SKAP2: variants seen among roughly 807,000 people sequenced by gnomAD.
SKAP2 encodes src kinase-associated phosphoprotein 2.
SKAP2 carries 28 observed loss-of-function variants against 54.9 expected under a neutral mutation model. The observed-to-expected ratio is 0.51, with a 90% CI of 0.38 to 0.70. The LOEUF is 0.70. Among genes scored for constraint, SKAP2 ranks in the 30% least tolerant of loss-of-function variants. The pLI, the probability that SKAP2 is intolerant of heterozygous loss-of-function variation, is 0.00. For missense variants in SKAP2, 356 were observed against 424.1 expected (o/e 0.84, Z 1.41); for synonymous variants, 137 against 134.3 (o/e 1.02, Z -0.14).
chr7:26,837,723 C>T (rs926265125), intron 4 of SKAP2, among the ~76,000 whole-genome samples: 1 of 151,638 alleles, frequency 6.6e-6, no homozygotes, highest in African/African-American at 2.4e-5. Context: ...TTCTAACAAG[C>T]TCCCAGATGA....
intron 4 of SKAP2, among the ~76,000 whole-genome samples, chr7:26,834,102 A>C (rs1784657522): frequency 6.6e-6 from 1 of 152,182 alleles, no homozygotes; most frequent in African/African-American, 2.4e-5. Flanking sequence ...CTACTGGGTA[A>C]ATAACGAAAT....
At chr7:26,790,345 C>A (rs1783648292) in intron 4 of SKAP2, among the ~76,000 whole-genome samples, 1 of 152,130 alleles carries the variant, frequency 6.6e-6, no homozygotes. Context: ...GTGTCGTTCA[C>A]ATCAAATGAC....
At chr7:26,827,999 GAGAGA>G (rs1179070378) in intron 4 of SKAP2, among the ~76,000 whole-genome samples, 2 of 152,204 alleles carry the variant, frequency 1.3e-5, no homozygotes, top group Admixed American at 6.5e-5. Flanking sequence ...ATCTTAACAA[GAGAGA>G]AGAGATCAAT....
chr7:26,694,792 T>C (rs113798066), intron 9 of SKAP2, among the ~76,000 whole-genome samples: 299 of 152,218 alleles, frequency 2.0e-3, no homozygotes, highest in Admixed American at 3.7e-3. Context: ...GAGAAAAGGC[T>C]TACTGTGGGA....
intron 1 of SKAP2, chr7:26,858,137 C>T: frequency 6.6e-6 from 1 of 152,446 alleles, no homozygotes; most frequent in Non-Finnish European, 1.5e-5. Flanking sequence ...GCCCACTCTG[C>T]GCCCGCGGGA....
At chr7:26,671,514 T>A (rs964547183) in intron 11 of SKAP2, among the ~76,000 whole-genome samples, 1 of 152,024 alleles carries the variant, frequency 6.6e-6, no homozygotes, top group South Asian at 2.1e-4. Context: ...AGTCTATCAA[T>A]AGAGAGATTA....
intron 4 of SKAP2, among the ~76,000 whole-genome samples, chr7:26,776,983 C>G (rs1783325210): frequency 6.6e-6 from 1 of 152,120 alleles, no homozygotes; most frequent in South Asian, 2.1e-4. Flanking sequence ...TCTCACAAAC[C>G]AGTGATTCAG....
At chr7:26,673,925 C>A (rs780376247) in intron 11 of SKAP2, among the ~76,000 whole-genome samples, 1 of 152,112 alleles carries the variant, frequency 6.6e-6, no homozygotes, top group Non-Finnish European at 1.5e-5. Context: ...ACTAAATCTT[C>A]TTTCTCTGCT....
At chr7:26,787,246 T>G (rs1157017638) in intron 4 of SKAP2, among the ~76,000 whole-genome samples, 3 of 152,172 alleles carry the variant, frequency 2.0e-5, no homozygotes, top group African/African-American at 7.2e-5. Context: ...AAAAGAGGTT[T>G]CGTTGGCTTA....
At chr7:26,703,482 A>C (rs1467196362) in intron 9 of SKAP2, among the ~76,000 whole-genome samples, 1 of 152,214 alleles carries the variant, frequency 6.6e-6, no homozygotes, top group Non-Finnish European at 1.5e-5. Flanking sequence ...ACAGGAGTTA[A>C]TCCCATATAT....
At chr7:26,864,318 T>C (rs1381205150) in intron 1 of SKAP2, 45 bp downstream of exon 1, 3 of 1,612,102 alleles carry the variant, frequency 1.9e-6, no homozygotes, top group East Asian at 4.5e-5. Context: ...CACCGTTCCC[T>C]CGCCCCCGCC....
At chr7:26,820,937 T>G (rs1343883917) in intron 4 of SKAP2, among the ~76,000 whole-genome samples, 2 of 152,142 alleles carry the variant, frequency 1.3e-5, no homozygotes, top group East Asian at 1.9e-4. Context: ...TACAATCTTT[T>G]GAAATACTAT....
intron 11 of SKAP2, among the ~76,000 whole-genome samples, chr7:26,671,111 A>T (rs1186858959): frequency 6.6e-6 from 1 of 152,056 alleles, no homozygotes; most frequent in Admixed American, 6.6e-5. Context: ...AACCGGTCTC[A>T]TATGTCTGCC....
intron 4 of SKAP2, among the ~76,000 whole-genome samples, chr7:26,825,136 G>C (rs1021302500): frequency 2.0e-5 from 3 of 152,008 alleles, no homozygotes; most frequent in African/African-American, 7.2e-5. Flanking sequence ...TTCCTTCTTT[G>C]CATTGGCAAA....
chr7:26,796,478 G>GGA (rs1437596925), intron 4 of SKAP2, among the ~76,000 whole-genome samples: 3 of 152,104 alleles, frequency 2.0e-5, no homozygotes, highest in Non-Finnish European at 4.4e-5. Context: ...TAACACCATG[G>GGA]GACCCATACA....
intron 4 of SKAP2, among the ~76,000 whole-genome samples, chr7:26,770,634 A>G (rs781269379): frequency 6.6e-6 from 1 of 152,168 alleles, no homozygotes; most frequent in Admixed American, 6.5e-5. Flanking sequence ...GACTGTGGGA[A>G]AAGTATAGTA....
chr7:26,813,852 G>A (rs1784208487), intron 4 of SKAP2, among the ~76,000 whole-genome samples: 1 of 152,118 alleles, frequency 6.6e-6, no homozygotes, highest in Non-Finnish European at 1.5e-5. Flanking sequence ...TTCTTTCTAT[G>A]TAATTTGCCA....
intron 4 of SKAP2, among the ~76,000 whole-genome samples, chr7:26,761,648 T>C (rs1782932022): frequency 6.6e-6 from 1 of 152,136 alleles, no homozygotes; most frequent in African/African-American, 2.4e-5. Flanking sequence ...ACACCTGTAA[T>C]AGCACTTTGG....
chr7:26,841,917 T>C (rs1784825086), intron 4 of SKAP2, among the ~76,000 whole-genome samples: 1 of 152,024 alleles, frequency 6.6e-6, no homozygotes. Context: ...AATTCGGTTA[T>C]GCTTATTGTT....
Sources: allele counts gnomAD v4.1 joint callset (sites outside exome capture counted in the v4.1 genomes callset), GRCh38; gene constraint gnomAD v4.1.1; transcripts MANE v1.5; gene names NCBI Gene and HGNC (gene_info 2026-07-23, HGNC 2026-07-21).